Variants in SETX observed in about 807,000 individuals in gnomAD.
SETX encodes senataxin.
In SETX, 90 loss-of-function variants were observed where a neutral mutation model predicts 227.2. That is an observed-to-expected ratio of 0.40 (90% CI 0.33 to 0.47). The LOEUF (loss-of-function observed/expected upper bound fraction) is 0.47. Ranked by LOEUF, SETX falls within the 20% of genes least tolerant of loss-of-function variation. SETX has a pLI of 0.91. For missense variants in SETX, 3,052 were observed against 3,181.5 expected, an observed-to-expected ratio of 0.96 and a Z score of 0.98; for synonymous variants, 1,210 against 1,113.2, an observed-to-expected ratio of 1.09 and a Z score of -1.73.
At chr9:132,331,605 C>A (rs1172687917) in intron 7 of SETX, among the ~76,000 whole-genome samples, 157 bp from the exon 8 acceptor site, 2 of 151,494 alleles carry the variant, frequency 1.3e-5, no homozygotes, top group Non-Finnish European at 2.9e-5. Flanking sequence ...AGTCCTCAGA[C>A]ACACAGAGGG....
intron 15 of SETX, among the ~76,000 whole-genome samples, chr9:132,290,557 A>G (rs1844228549): frequency 7.1e-6 from 1 of 140,492 alleles, no homozygotes; most frequent in South Asian, 2.4e-4. Flanking sequence ...CCTGGGAGAC[A>G]GAGCGAGACT....
chr9:132,264,049 C>T lies in SETX; in HGVS notation c.*190G>A. The T allele has an allele frequency of 1.4e-6, 1 of 722,868 alleles. No individual in the cohort carries two copies. Among genetic ancestry groups the T allele is most frequent in the Non-Finnish European group, 2.3e-6 (1 of 439,688 alleles). 44.8% of individuals were successfully genotyped at this position (722,868 alleles called of 1,614,324 possible). The stretch of plus-strand genomic sequence containing the variant: ...CATTATTACGGATACACAATGCCCT[C>T]TGAAAGCTTTTGCAAATGACAGAAA... On this transcript the variant is annotated 3_prime_UTR_variant, in exon 26 of 26. Transcript: ENST00000224140.
rs1393016994 is a variant in SETX at position 132,300,096 on chromosome 9, C to T, written c.5548+534G>A. 2.3e-5 allele frequency among the ~76,000 whole-genome samples: 3 copies of T among 130,736 alleles called. No individual in the cohort carries two copies. In the East Asian group the frequency reaches 7.1e-4, roughly 31 times the overall value. The allele number at this position is 130,736 out of a possible 152,430, so 85.8% of individuals were successfully genotyped here. ...AGTGAGCCGATACAGCACCACTGCA[C>T]TCTAGCCTGGACAACAAGAGTGAAA... is the stretch of plus-strand genomic sequence containing the variant. On this transcript the variant is annotated intron_variant, in intron 12 of 25. Transcript: ENST00000224140.
chr9:132,288,419 C>T, intron 16 of SETX, 68 bp from the exon 17 acceptor site: 1 of 1,430,864 alleles, frequency 7.0e-7, no homozygotes, highest in Non-Finnish European at 9.7e-7. Flanking sequence ...ACATATACAA[C>T]ACAATGAGAA....
chr9:132,289,133 T>A (rs1357245854), intron 15 of SETX, among the ~76,000 whole-genome samples: 1 of 152,142 alleles, frequency 6.6e-6, no homozygotes, highest in Non-Finnish European at 1.5e-5. Context: ...AGCCTTCTAA[T>A]TGCCATCATG....
chr9:132,273,801 T>G (rs1843012924), intron 23 of SETX, among the ~76,000 whole-genome samples: 2 of 152,318 alleles, frequency 1.3e-5, no homozygotes, highest in South Asian at 4.1e-4. Context: ...TTTTCCTTAC[T>G]TAACTGCTCT....
intron 3 of SETX, 126 bp downstream of exon 3, chr9:132,349,126 C>CAAA: frequency 2.6e-6 from 2 of 778,498 alleles, no homozygotes; most frequent in African/African-American, 1.9e-5. Flanking sequence ...AAAACAAAAA[C>CAAA]AAAAAAAAAA....
chr9:132,299,307 A>AAGAC (rs1278907521), intron 12 of SETX, among the ~76,000 whole-genome samples: 2 of 152,238 alleles, frequency 1.3e-5, no homozygotes, highest in African/African-American at 4.8e-5. Flanking sequence ...TGAAATGTCT[A>AAGAC]ACACATTTCC....
In SETX at chr9:132,277,143, T is replaced by TTCTG; in HGVS notation, c.6848_6851dup (p.Glu2284AspfsTer19). The TTCTG allele has an allele frequency of 6.2e-6, 10 of 1,610,740 alleles. No individual in the cohort carries two copies. Among genetic ancestry groups the TTCTG allele is most frequent in the Non-Finnish European group, 8.5e-6 (10 of 1,179,526 alleles). On this transcript the variant is annotated frameshift_variant, in exon 22 of 26. Coordinates refer to ENST00000224140, the MANE Select transcript of SETX (RefSeq NM_015046.7). LOFTEE classifies it high-confidence loss of function. ...GCCAATCTGATGAACATCGAATGGC[T>TTCTG]TCTGTCTGTCTGTAAAAAAAAAAAA...
At chr9:132,302,800 T>C (rs28852191) in intron 11 of SETX, among the ~76,000 whole-genome samples, 8,335 of 150,842 alleles carry the variant, frequency 0.055, 380 homozygotes, top group East Asian at 0.17. Context: ...GACTATCCAA[T>C]TTCAGTATTT....
At chr9:132,271,888 G>GTTTTTT in intron 23 of SETX, 80 bp from the exon 24 acceptor site, 1 of 1,074,210 alleles carries the variant, frequency 9.3e-7, no homozygotes, top group Non-Finnish European at 1.3e-6. Context: ...TAGTTTTTTG[G>GTTTTTT]TTTTTTTTTT....
chr9:132,291,378 G>C (rs1441600008), intron 15 of SETX, among the ~76,000 whole-genome samples: 2 of 152,140 alleles, frequency 1.3e-5, no homozygotes, highest in East Asian at 3.9e-4. Flanking sequence ...GTGTTAGCCA[G>C]GATGGTGTTG....
At chr9:132,270,359 C>A (rs1166848357) in intron 24 of SETX, among the ~76,000 whole-genome samples, 1 of 152,010 alleles carries the variant, frequency 6.6e-6, no homozygotes, top group East Asian at 1.9e-4. Context: ...ACTCAGCATG[C>A]CCATGTGAGA....
intron 23 of SETX, 189 bp downstream of exon 23, chr9:132,275,067 G>C: frequency 1.7e-6 from 1 of 604,602 alleles, no homozygotes; most frequent in South Asian, 2.1e-5. Context: ...CCAACTGCCA[G>C]GAAGTAACCT....
chr9:132,284,565 G>A (rs1043374746), intron 18 of SETX, among the ~76,000 whole-genome samples: 4 of 152,204 alleles, frequency 2.6e-5, no homozygotes, highest in South Asian at 4.2e-4. Flanking sequence ...CACCTGGCTC[G>A]GCCAAGCTTC....
chr9:132,299,464 T>C (rs1050679993), intron 12 of SETX, among the ~76,000 whole-genome samples: 24 of 152,220 alleles, frequency 1.6e-4, no homozygotes, highest in African/African-American at 5.8e-4. Context: ...CTCTTCTAAA[T>C]GTATCCTATA....
intron 10 of SETX, among the ~76,000 whole-genome samples, chr9:132,317,122 T>G (rs1846015054): frequency 6.6e-6 from 1 of 152,234 alleles, no homozygotes; most frequent in Non-Finnish European, 1.5e-5. Flanking sequence ...ACCTTTAAAA[T>G]AGTTGTAAAG....
chr9:132,280,386 C>T (rs1180227592), intron 20 of SETX, among the ~76,000 whole-genome samples: 1 of 152,080 alleles, frequency 6.6e-6, no homozygotes, highest in Non-Finnish European at 1.5e-5. Flanking sequence ...CAAGGCCCTT[C>T]AATGAAATCC....
At chr9:132,342,153 AGACT>A (rs1183834176) in intron 5 of SETX, among the ~76,000 whole-genome samples, 1 of 152,164 alleles carries the variant, frequency 6.6e-6, no homozygotes, top group Non-Finnish European at 1.5e-5. Context: ...CCTGAAGCAC[AGACT>A]GTCTTACCAC....
Sources: gnomAD v4.1 joint callset for allele counts (sites outside exome capture counted in the v4.1 genomes callset) on GRCh38, gnomAD v4.1.1 for gene constraint, MANE v1.5 for transcripts, NCBI Gene and HGNC (gene_info 2026-07-23, HGNC 2026-07-21) for gene names.